The following AK9 variants were observed in gnomAD, a reference collection of about 807,000 sequenced individuals.
AK9 encodes adenylate kinase domain containing 1.
A neutral mutation model predicts 239.6 loss-of-function variants in AK9; 191 were observed. The ratio of observed to expected loss-of-function variants is 0.80; its 90% CI spans 0.71 to 0.90. The LOEUF (loss-of-function observed/expected upper bound fraction) is 0.90. Ranked by LOEUF, AK9 falls within the 40% of genes least tolerant of loss-of-function variation. AK9 has a pLI of 0.00. For synonymous variants in AK9, 689 were observed against 721.0 expected, an observed-to-expected ratio of 0.96 and a Z score of 0.71; for missense variants, 1,995 against 2,214.7, an observed-to-expected ratio of 0.90 and a Z score of 1.99.
At chr6:109,646,076 C>T (rs1470551416) in intron 8 of AK9, among the ~76,000 whole-genome samples, 1 of 152,142 alleles carries the variant, frequency 6.6e-6, no homozygotes, top group Non-Finnish European at 1.5e-5. Context: ...GACACCAAAA[C>T]CCCATCTGTA....
intron 9 of AK9, among the ~76,000 whole-genome samples, chr6:109,642,763 G>A (rs371126753): frequency 2.6e-5 from 4 of 152,268 alleles, no homozygotes; most frequent in East Asian, 3.9e-4. Flanking sequence ...AAAGGAGAAC[G>A]GTGGGAGAAG....
chr6:109,656,235 A>C lies in AK9; in HGVS notation c.759+521T>G, dbSNP rs73529303. Among the ~76,000 whole-genome samples the C allele has an allele frequency of 7.9e-3, 1,208 of 152,318 alleles. 26 individuals are homozygous for C. The highest frequency in any genetic ancestry group is 0.026 in the African/African-American group (1,069 of 41,574). On this transcript the variant is annotated intron_variant, in intron 8 of 40. Coordinates refer to ENST00000424296, the MANE Select transcript of AK9 (RefSeq NM_001145128.3). ...CGCTACTTGTAATCTCAGTCATCATACTTTTAAAATACTAATCATTTTAAT... is the reference window on the plus strand; with the variant it reads ...CGCTACTTGTAATCTCAGTCATCATCCTTTTAAAATACTAATCATTTTAAT...
At chr6:109,671,662 C>A (rs1770912011) in intron 5 of AK9, among the ~76,000 whole-genome samples, 1 of 152,198 alleles carries the variant, frequency 6.6e-6, no homozygotes, top group African/African-American at 2.4e-5. Context: ...TGGACCACAG[C>A]AGATTTCTGA....
chr6:109,543,470 T>C (rs1189881852), intron 26 of AK9, among the ~76,000 whole-genome samples: 1 of 152,156 alleles, frequency 6.6e-6, no homozygotes, highest in African/African-American at 2.4e-5. Context: ...TTTTTTGAGA[T>C]GGAGTCTTGC....
chr6:109,689,186 A>C (rs1173716632), intron 1 of AK9, among the ~76,000 whole-genome samples: 1 of 152,086 alleles, frequency 6.6e-6, no homozygotes, highest in East Asian at 1.9e-4. Context: ...TTGTCCCATT[A>C]ATCTTTTTTT....
At chr6:109,554,752 G>A (rs1363879614) in intron 24 of AK9, among the ~76,000 whole-genome samples, 7 of 151,938 alleles carry the variant, frequency 4.6e-5, no homozygotes, top group African/African-American at 1.7e-4. Context: ...GGCTTGTCTC[G>A]AACTCCTGAC....
In AK9 at chr6:109,636,952, A is replaced by G. The variant is rs150058601; in HGVS notation, c.934-3629T>C. 2.0e-5 allele frequency among the ~76,000 whole-genome samples: 3 copies of G among 152,232 alleles called. No homozygotes were observed. The East Asian group carries it at 5.8e-4, about 29-fold the overall frequency. On this transcript the variant is annotated intron_variant, in intron 10 of 40. Transcript: ENST00000424296. ...TAATTGCTGGATAGATGAGAATTCT[A>G]TGTTTAACTTTTTTAGCAACCACCA...
At chr6:109,521,892 T>G (rs1779908491) in intron 29 of AK9, among the ~76,000 whole-genome samples, 1 of 152,038 alleles carries the variant, frequency 6.6e-6, no homozygotes, top group East Asian at 1.9e-4. Context: ...TTTTTTCGTT[T>G]GTTTTATTGT....
At chr6:109,600,396 A>G (rs193291981) in intron 17 of AK9, among the ~76,000 whole-genome samples, 3 of 152,106 alleles carry the variant, frequency 2.0e-5, no homozygotes, top group Admixed American at 2.0e-4. Context: ...ATTTGCGTAT[A>G]TTGAACCAGC....
chr6:109,645,223 C>A lies in AK9; in HGVS notation c.760-535G>T, dbSNP rs533675651. Among the ~76,000 whole-genome samples, 3 of 152,248 alleles carry A rather than the reference C, an allele frequency of 2.0e-5. No homozygotes were observed. The South Asian group carries it at 6.2e-4, about 32-fold the overall frequency. On this transcript the variant is annotated intron_variant, in intron 8 of 40. Transcript: ENST00000424296. ...GGGACTGGTTGGACAGTGGGTGCAG[C>A]CCATGGAGGGCGAGCCGAAGCAGGG...
Position 109,656,765 on chromosome 6 carries a change from T to G in AK9, c.750A>C (p.Gln250His). ...TATATTTTGTTCTTACTTCTAAAGTTTGGAGAATTGTTTCCTTATAAAGCT... is the reference window on the plus strand; with the variant it reads ...TATATTTTGTTCTTACTTCTAAAGTGTGGAGAATTGTTTCCTTATAAAGCT... ...IVKLYKETILQTLEEVMAEHN... is the reference protein window; with the variant it reads ...IVKLYKETILHTLEEVMAEHN... Residue 250 changes from glutamine (Q) to histidine (H), a missense_variant, in exon 8 of 41, where the codon CAA (glutamine) becomes CAC (histidine). Physicochemically the swap from Gln to His is conservative, Grantham distance 24 (BLOSUM62 0). Around this residue, in one of 5 missense-constraint regions of AK9, gnomAD observed 1,290 missense variants for 1,392.7 expected, o/e 0.93. Transcript: ENST00000424296. The G allele has an allele frequency of 1.3e-6, 2 of 1,590,458 alleles. No individual in the cohort carries two copies. Among genetic ancestry groups the G allele is most frequent in the Non-Finnish European group, 1.7e-6 (2 of 1,162,738 alleles).
intron 5 of AK9, among the ~76,000 whole-genome samples, chr6:109,670,022 T>G (rs1801842232): frequency 6.6e-6 from 1 of 152,176 alleles, no homozygotes; most frequent in Admixed American, 6.5e-5. Flanking sequence ...CAGGAAGTAC[T>G]GGGGTCTGAG....
At chr6:109,528,843 T>C (rs1471616926) in intron 29 of AK9, 168 bp downstream of exon 29, 2 of 1,203,886 alleles carry the variant, frequency 1.7e-6, no homozygotes, top group Non-Finnish European at 2.3e-6. Flanking sequence ...AGGCAAAGGC[T>C]GGGTGTGATG....
intron 25 of AK9, among the ~76,000 whole-genome samples, chr6:109,547,846 C>CAA (rs55899214): frequency 0.017 from 2,093 of 121,676 alleles, 67 homozygotes; most frequent in African/African-American, 0.064. Context: ...AGCTCAGTAG[C>CAA]AAAAAAAAAA....
Position 109,633,032 on chromosome 6 carries a change from T to C in AK9, c.1145A>G (p.Tyr382Cys), listed in dbSNP as rs1222479958. 10 of 1,593,802 alleles carry C rather than the reference T, an allele frequency of 6.3e-6. No homozygotes were observed. Among genetic ancestry groups the C allele is most frequent in the South Asian group, 1.2e-5 (1 of 86,804 alleles). Residue 382 changes from tyrosine to cysteine, a missense_variant, in exon 12 of 41, where the codon TAT becomes TGT. Tyr to Cys is a radical substitution (Grantham distance 194). Transcript: ENST00000424296. ...LKPFLLNPRP[Y>C]LLPPMPGPPC... ...TGGTCCTGGCATAGGTGGAAGCAGA[T>C]AGGGACGTGGGTTCAACAAAAATGG...
rs1796290424 is a variant in AK9 at position 109,632,989 on chromosome 6, T to A, written c.1188A>T (p.Ile396=). The A allele has an allele frequency of 6.2e-7, 1 of 1,611,294 alleles. No individual in the cohort carries two copies. Residue 396 remains isoleucine (I), a synonymous_variant, in exon 12 of 41, where the codon ATA becomes ATT. Coordinates refer to ENST00000424296, the MANE Select transcript of AK9 (RefSeq NM_001145128.3). ...PMPGPPCKVF[I]LGPQYSGKTT... ...TTTTCCCTGAATATTGAGGTCCAAG[T>A]ATGAATACTTTACATGGTGGTCCTG...
intron 38 of AK9, among the ~76,000 whole-genome samples, chr6:109,497,023 A>C (rs1777109492): frequency 6.6e-6 from 1 of 151,472 alleles, no homozygotes; most frequent in South Asian, 2.1e-4. Flanking sequence ...CCTCGCCTTC[A>C]CTCCGTCCCC....
chr6:109,549,915 C>T (rs909939478), intron 25 of AK9, 175 bp downstream of exon 25: 53 of 561,384 alleles, frequency 9.4e-5, no homozygotes, highest in Admixed American at 7.4e-4. Flanking sequence ...CCGCCCGTCT[C>T]GGCCTCCCAA....
intron 17 of AK9, among the ~76,000 whole-genome samples, chr6:109,606,773 C>T (rs962482930): frequency 1.3e-5 from 2 of 152,096 alleles, no homozygotes; most frequent in South Asian, 2.1e-4. Context: ...GCTCCGTAGC[C>T]GGTCAAGGCA....
Sources: allele counts gnomAD v4.1 joint callset (sites outside exome capture counted in the v4.1 genomes callset), GRCh38; gene constraint gnomAD v4.1.1; regional missense constraint gnomAD v4.1.1; transcripts MANE v1.5; gene names NCBI Gene and HGNC (gene_info 2026-07-23, HGNC 2026-07-21).